Variants in SORCS2 observed in about 807,000 individuals in gnomAD.
The protein encoded by SORCS2 is sortilin related VPS10 domain containing receptor 2.
A neutral mutation model predicts 141.6 loss-of-function variants in SORCS2; 100 were observed. The observed-to-expected ratio is 0.71, with a 90% confidence interval of 0.60 to 0.83. SORCS2 has a LOEUF of 0.83. SORCS2 is among the 40% of genes least tolerant of loss of function. The probability of loss-of-function intolerance (pLI) is 0.00; values close to 1 mark genes in which losing one functional copy is unlikely to be tolerated. For missense variants in SORCS2, 1,646 were observed against 1,560.2 expected, an observed-to-expected ratio of 1.05 and a Z score of -0.93; for synonymous variants, 789 against 676.9, an observed-to-expected ratio of 1.17 and a Z score of -2.57.
intron 6 of SORCS2, 79 bp downstream of exon 6, chr4:7,661,643 G>A (rs549633020): frequency 3.7e-6 from 5 of 1,358,444 alleles, no homozygotes; most frequent in Non-Finnish European, 5.1e-6. Flanking sequence ...CGTGTGTTCA[G>A]TCGCTTGTCC....
intron 5 of SORCS2, among the ~76,000 whole-genome samples, chr4:7,658,787 G>T (rs764461497): frequency 2.0e-5 from 3 of 152,226 alleles, no homozygotes; most frequent in African/African-American, 7.2e-5. Flanking sequence ...TGCCAGGCAG[G>T]TTGGGAGGAA....
intron 1 of SORCS2, among the ~76,000 whole-genome samples, chr4:7,373,087 T>C (rs888578366): frequency 4.0e-5 from 6 of 151,522 alleles, no homozygotes; most frequent in Non-Finnish European, 5.9e-5. Context: ...GTATGCTTCA[T>C]TGCTCTTAAA....
chr4:7,526,464 G>A (rs866970908), intron 2 of SORCS2, among the ~76,000 whole-genome samples: 4 of 152,160 alleles, frequency 2.6e-5, no homozygotes, highest in Non-Finnish European at 5.9e-5. Flanking sequence ...TGGAAAAGGC[G>A]TAACTATGAC....
chr4:7,534,621 C>T (rs1157024979), intron 3 of SORCS2, among the ~76,000 whole-genome samples: 1 of 152,186 alleles, frequency 6.6e-6, no homozygotes, highest in African/African-American at 2.4e-5. Context: ...TTGTGGAGGG[C>T]AGCAGGAGGG....
chr4:7,334,306 T>C (rs1472491205), intron 1 of SORCS2, among the ~76,000 whole-genome samples: 2 of 152,066 alleles, frequency 1.3e-5, no homozygotes, highest in African/African-American at 4.8e-5. Flanking sequence ...TTCCCCAGCC[T>C]GCCTTCCTTC....
At position 7,259,978 on chromosome 4, in the gene SORCS2, G is replaced by A. The variant is rs143377075; in HGVS notation, c.480+66852G>A. ...AGGCTGGTGCAGGCAGGGGCTGAGG[G>A]TGATTTGGGGGAATGACAGAAGCTC... On this transcript the variant is annotated intron_variant, in intron 1 of 26. Transcript: ENST00000507866. 4.6e-3 allele frequency among the ~76,000 whole-genome samples: 698 copies of A among 152,368 alleles called. 1 individual carries two copies. Among genetic ancestry groups the A allele is most frequent in the Non-Finnish European group, 7.6e-3 (520 of 68,032 alleles).
At chr4:7,311,589 C>G (rs768461852) in intron 1 of SORCS2, among the ~76,000 whole-genome samples, 2 of 152,176 alleles carry the variant, frequency 1.3e-5, no homozygotes, top group Non-Finnish European at 2.9e-5. Context: ...TTTAGTCCCC[C>G]AGTAGGTGTG....
At chr4:7,642,669 C>T (rs1023549842) in intron 4 of SORCS2, among the ~76,000 whole-genome samples, 2 of 152,180 alleles carry the variant, frequency 1.3e-5, no homozygotes, top group Admixed American at 6.5e-5. Flanking sequence ...GAGTAACACA[C>T]AGCTCCAAGC....
intron 3 of SORCS2, among the ~76,000 whole-genome samples, chr4:7,619,307 A>G (rs970961551): frequency 6.6e-6 from 1 of 152,196 alleles, no homozygotes; most frequent in Non-Finnish European, 1.5e-5. Flanking sequence ...GTTTCCCTCC[A>G]TTAGGGCAAG....
chr4:7,499,021 C>T (rs947656699), intron 2 of SORCS2, among the ~76,000 whole-genome samples: 3 of 152,230 alleles, frequency 2.0e-5, no homozygotes, highest in Middle Eastern at 3.4e-3. Flanking sequence ...ACCGTGGAGA[C>T]GGGAGGGACA....
intron 1 of SORCS2, among the ~76,000 whole-genome samples, chr4:7,331,187 T>G (rs1719634358): frequency 6.6e-6 from 1 of 152,216 alleles, no homozygotes; most frequent in Non-Finnish European, 1.5e-5. Flanking sequence ...TTCACCCCCA[T>G]AGAGGAGTCT....
chr4:7,578,431 T>C (rs561820317), intron 3 of SORCS2, among the ~76,000 whole-genome samples: 1 of 152,314 alleles, frequency 6.6e-6, no homozygotes, highest in East Asian at 1.9e-4. Flanking sequence ...CTAAAGTCCT[T>C]TGAAAGTTTT....
At chr4:7,208,075 T>C (rs1727848123) in intron 1 of SORCS2, among the ~76,000 whole-genome samples, 1 of 152,124 alleles carries the variant, frequency 6.6e-6, no homozygotes, top group Middle Eastern at 3.4e-3. Context: ...CAGCTTGGCC[T>C]ATGAAGGCAA....
intron 2 of SORCS2, among the ~76,000 whole-genome samples, chr4:7,486,361 A>G (rs1730984620): frequency 2.7e-5 from 1 of 37,324 alleles, no homozygotes. Context: ...AGGTGGACAG[A>G]TGGAGGGGTC....
At chr4:7,450,775 G>C (rs1728382978) in intron 2 of SORCS2, among the ~76,000 whole-genome samples, 1 of 152,230 alleles carries the variant, frequency 6.6e-6, no homozygotes, top group African/African-American at 2.4e-5. Context: ...GTAAATGAGA[G>C]AGTGAATGAG....
rs71173496 is a variant in SORCS2, at chr4:7,373,478, A to ATTTTTTTTTTTT, written c.481-22793_481-22782dup. On this transcript the variant is annotated intron_variant, in intron 1 of 26. Coordinates refer to ENST00000507866, the MANE Select transcript of SORCS2 (RefSeq NM_020777.3). ...AACTTTTATATATATATATATATAT[A>ATTTTTTTTTTTT]TTTTTTTTTTTTTTTTTTTTTTTTT... is the stretch of plus-strand genomic sequence containing the variant. Among the ~76,000 whole-genome samples the ATTTTTTTTTTTT allele has an allele frequency of 5.7e-4, 21 of 36,818 alleles. 1 individual carries two copies. The highest frequency in any genetic ancestry group is 8.2e-4 in the Admixed American group (2 of 2,446). 24.2% of individuals were successfully genotyped at this position (36,818 alleles called of 152,430 possible). A position where few individuals can be genotyped will look rare whatever the true frequency, so the allele number is the denominator to read the frequency against.
At chr4:7,390,960 T>C (rs1723821071) in intron 1 of SORCS2, among the ~76,000 whole-genome samples, 1 of 152,168 alleles carries the variant, frequency 6.6e-6, no homozygotes, top group Non-Finnish European at 1.5e-5. Context: ...AACGTGCCAG[T>C]GACCACTCAG....
At chr4:7,203,169 C>A (rs1176965343) in intron 1 of SORCS2, among the ~76,000 whole-genome samples, 1 of 152,222 alleles carries the variant, frequency 6.6e-6, no homozygotes, top group Admixed American at 6.5e-5. Context: ...TGGTGGCTCA[C>A]GCCTGTAATC....
chr4:7,709,303 G>A (rs540824468), intron 14 of SORCS2, among the ~76,000 whole-genome samples: 1 of 152,122 alleles, frequency 6.6e-6, no homozygotes, highest in Admixed American at 6.5e-5. Flanking sequence ...CTGTCCATCC[G>A]GGAGCCGTGA....
Sources: allele counts gnomAD v4.1 joint callset (sites outside exome capture counted in the v4.1 genomes callset), GRCh38; gene constraint gnomAD v4.1.1; transcripts MANE v1.5; gene names NCBI Gene and HGNC (gene_info 2026-07-23, HGNC 2026-07-21).